The following ZBTB37 variants were observed in gnomAD, a reference collection of about 807,000 sequenced individuals.
ZBTB37 encodes zinc finger and BTB domain containing 37, also known as zinc finger and BTB domain-containing protein 37.
ZBTB37 carries 15 observed loss-of-function variants against 37.7 expected under a neutral mutation model. The ratio of observed to expected loss-of-function variants is 0.40; its 90% CI spans 0.27 to 0.61. The LOEUF (loss-of-function observed/expected upper bound fraction) is 0.61, where lower values mean the gene tolerates loss of function less well. Ranked by LOEUF, ZBTB37 falls within the 20% of genes least tolerant of loss-of-function variation. ZBTB37 has a pLI of 0.44. For synonymous variants in ZBTB37, 231 were observed against 220.6 expected, an observed-to-expected ratio of 1.05 and a Z score of -0.42; for missense variants, 514 against 641.9, an observed-to-expected ratio of 0.80 and a Z score of 2.15.
At chr1:173,884,195 A>G (rs1656493161) in intron 4 of ZBTB37, among the ~76,000 whole-genome samples, 1 of 150,060 alleles carries the variant, frequency 6.7e-6, no homozygotes, top group Non-Finnish European at 1.5e-5. Flanking sequence ...TTTGTCACCC[A>G]GCCTGGAGTG....
At chr1:173,885,375 C>T (rs933177026) in intron 4 of ZBTB37, among the ~76,000 whole-genome samples, 2 of 152,132 alleles carry the variant, frequency 1.3e-5, no homozygotes, top group Non-Finnish European at 2.9e-5. Context: ...GTACATTCAG[C>T]AGGGGTTTAA....
chr1:173,881,633 C>T (rs1355036086), intron 4 of ZBTB37, among the ~76,000 whole-genome samples: 1 of 152,044 alleles, frequency 6.6e-6, no homozygotes, highest in African/African-American at 2.4e-5. Context: ...CCTGACTTTT[C>T]AATGATCGCC....
chr1:173,886,295 C>T (rs1014155907), exon 5 of ZBTB37: 3 of 1,020,766 alleles, frequency 2.9e-6, no homozygotes, highest in Non-Finnish European at 4.1e-6. Flanking sequence ...GCACTAAAGG[C>T]TCCTCCCTTC....
intron 4 of ZBTB37, among the ~76,000 whole-genome samples, chr1:173,884,774 C>G (rs912523503): frequency 6.6e-6 from 1 of 152,132 alleles, no homozygotes; most frequent in African/African-American, 2.4e-5. Context: ...TAAATGGTAG[C>G]CATTAGCCAC....
chr1:173,881,792 C>T (rs1389369311), intron 4 of ZBTB37, among the ~76,000 whole-genome samples: 1 of 152,148 alleles, frequency 6.6e-6, no homozygotes, highest in Non-Finnish European at 1.5e-5. Flanking sequence ...TGGTGGCTCA[C>T]ACCTGCAATC....
At chr1:173,900,306 C>T (rs760094756) in exon 4 of ZBTB37, 14 of 152,154 alleles carry the variant, frequency 9.2e-5, no homozygotes, top group Non-Finnish European at 2.1e-4. Flanking sequence ...TAGGATCTTT[C>T]TTCTGGGATG....
chr1:173,870,990 G>A, exon 3 of ZBTB37: 1 of 1,614,204 alleles, frequency 6.2e-7, no homozygotes, highest in Non-Finnish European at 8.5e-7. Context: ...AGTGGCTTGG[G>A]CCTGAGAATC....
chr1:173,877,830 C>T (rs1656069118), intron 4 of ZBTB37, among the ~76,000 whole-genome samples: 1 of 152,134 alleles, frequency 6.6e-6, no homozygotes. Context: ...AGGGCAAGGA[C>T]TTACAGTAAG....
At chr1:173,889,804 G>A (rs1211741741), downstream of ZBTB37, 1 of 152,152 alleles carries the variant, frequency 6.6e-6, no homozygotes, top group Admixed American at 6.6e-5. Flanking sequence ...AATACATAAA[G>A]GTAAATTAGT....
chr1:173,876,358 T>G (rs1655968436), intron 4 of ZBTB37, among the ~76,000 whole-genome samples: 1 of 152,114 alleles, frequency 6.6e-6, no homozygotes, highest in Non-Finnish European at 1.5e-5. Context: ...GGCTCTGTCA[T>G]CCAGGCTGGA....
At chr1:173,902,857 A>G (rs1657322202) in exon 4 of ZBTB37, 1 of 152,222 alleles carries the variant, frequency 6.6e-6, no homozygotes, top group Admixed American at 6.5e-5. Flanking sequence ...CACAAGTAAT[A>G]ACATCCACTT....
At chr1:173,878,374 T>C (rs1364759595) in intron 4 of ZBTB37, among the ~76,000 whole-genome samples, 1 of 152,208 alleles carries the variant, frequency 6.6e-6, no homozygotes, top group Non-Finnish European at 1.5e-5. Flanking sequence ...CTTTTGACAG[T>C]TTTAGTACCA....
At chr1:173,898,440 A>C (rs1657137176) in exon 4 of ZBTB37, 1 of 150,880 alleles carries the variant, frequency 6.6e-6, no homozygotes, top group African/African-American at 2.4e-5. Flanking sequence ...CAGCCTGAGC[A>C]ACAAGAGCGA....
At chr1:173,868,725 C>T (rs891874477) in intron 1 of ZBTB37, 200 bp from the exon 2 acceptor site, 3 of 152,992 alleles carry the variant, frequency 2.0e-5, no homozygotes, top group Non-Finnish European at 4.4e-5. Context: ...GAGCCGGTCC[C>T]TGGGCGCCGC....
Position 173,892,562 on chromosome 1 carries a change from CA to C in ZBTB37, c.*6439del, listed in dbSNP as rs374353127. ...TATCAAAACCTGGAAGATATTGGTG[CA>C]GATTATTCAGTTTTGCTGTGTAGGC... is the stretch of plus-strand genomic sequence containing the variant. On this transcript the variant is annotated 3_prime_UTR_variant, in exon 4 of 4. Transcript: ENST00000367701. The C allele has an allele frequency of 1.8e-3, 274 of 152,270 alleles. 1 individual carries two copies. The highest frequency in any genetic ancestry group is 6.3e-3 in the African/African-American group (260 of 41,552). The allele number at this position is 152,270 out of a possible 1,614,324, so 9.4% of individuals were successfully genotyped here.
intron 4 of ZBTB37, among the ~76,000 whole-genome samples, chr1:173,883,363 C>T (rs1045275848): frequency 2.0e-5 from 3 of 152,090 alleles, no homozygotes; most frequent in Non-Finnish European, 4.4e-5. Context: ...TCTGTAATTC[C>T]GGCTACTCAG....
exon 4 of ZBTB37, chr1:173,894,014 A>C (rs1656949244): frequency 6.6e-6 from 1 of 152,242 alleles, no homozygotes; most frequent in Non-Finnish European, 1.5e-5. Context: ...AATATACAGT[A>C]GCCAGGAACA....
chr1:173,890,853 A>G (rs1254995817), downstream of ZBTB37: 1 of 152,220 alleles, frequency 6.6e-6, no homozygotes, highest in East Asian at 1.9e-4. Context: ...TCACGTGGCT[A>G]CAAAGCTTGA....
intron 4 of ZBTB37, among the ~76,000 whole-genome samples, chr1:173,875,429 G>A (rs982191287): frequency 4.7e-5 from 7 of 150,080 alleles, no homozygotes; most frequent in Admixed American, 2.0e-4. Flanking sequence ...GGGTTCAAAC[G>A]GTTCTCCTGC....
Sources: allele counts gnomAD v4.1 joint callset (sites outside exome capture counted in the v4.1 genomes callset), GRCh38; gene constraint gnomAD v4.1.1; transcripts MANE v1.5; gene names NCBI Gene and HGNC (gene_info 2026-07-23, HGNC 2026-07-21).